HOXD1: variants seen among roughly 807,000 people sequenced by gnomAD.
HOXD1 encodes homeobox D1.
In HOXD1, 17 loss-of-function variants were observed where a neutral mutation model predicts 19.9. That is an observed-to-expected ratio of 0.85 (90% CI 0.58 to 1.28). The LOEUF is 1.28. Ranked by LOEUF, HOXD1 falls within the 50% of genes most tolerant of loss-of-function variation. The pLI is 0.00. For synonymous variants in HOXD1, 239 were observed against 216.0 expected (o/e 1.11, Z -0.93); for missense variants, 500 against 460.1 (o/e 1.09, Z -0.79).
Position 176,189,038 on chromosome 2 carries a change from G to T in HOXD1, c.237G>T (p.Ala79=). The T allele has an allele frequency of 7.1e-7, 1 of 1,407,300 alleles. No individual in the cohort carries two copies. Among genetic ancestry groups the T allele is most frequent in the South Asian group, 1.6e-5 (1 of 62,760 alleles). The allele number at this position is 1,407,300 out of a possible 1,614,324, so 87.2% of individuals were successfully genotyped here. ...GGCCGTCCGTACCGCCTCCGGCCGCGCCCCAGTACGCGCAGTGCACCCTGG... is the reference window on the plus strand; with the variant it reads ...GGCCGTCCGTACCGCCTCCGGCCGCTCCCCAGTACGCGCAGTGCACCCTGG... ...PARPSVPPPA[A]PQYAQCTLEG... Residue 79 remains alanine (A), a synonymous_variant, in exon 1 of 2, where the codon GCG becomes GCT. Transcript: ENST00000331462.
rs756253940 is a variant in HOXD1, at chr2:176,190,145, C to T, written c.*3C>T. 6.3e-7 allele frequency: 1 copy of T among 1,581,580 alleles called. No individual in the cohort carries two copies. Among genetic ancestry groups the T allele is most frequent in the Non-Finnish European group, 8.6e-7 (1 of 1,162,868 alleles). On this transcript the variant is annotated 3_prime_UTR_variant, in exon 2 of 2. Transcript: ENST00000331462. Reference sequence around the variant, plus strand: ...CTCAGTCCCAAGAGCCTTCGTGAGGCCGGTACTTGGGGCCGAAAAACTGTG... The same window carrying T: ...CTCAGTCCCAAGAGCCTTCGTGAGGTCGGTACTTGGGGCCGAAAAACTGTG...
chr2:176,188,858 C>T lies in HOXD1; in HGVS notation c.57C>T (p.Asp19=), dbSNP rs1445123870. 4 of 1,603,954 alleles carry T rather than the reference C, an allele frequency of 2.5e-6. No individual in the cohort carries two copies. Among genetic ancestry groups the T allele is most frequent in the Non-Finnish European group, 8.5e-7 (1 of 1,177,218 alleles). The change falls in exon 1 of 2, where the codon GAC becomes GAT. Residue 19 remains aspartate (D), a synonymous_variant. Coordinates refer to ENST00000331462, the MANE Select transcript of HOXD1 (RefSeq NM_024501.3). ...SCSSSGGVGG[D]VLSLAPKFCR... Reference sequence around the variant, plus strand: ...GCAGCAGCGGCGGGGTCGGCGGCGACGTGCTCAGCTTGGCACCCAAGTTCT... The same window carrying T: ...GCAGCAGCGGCGGGGTCGGCGGCGATGTGCTCAGCTTGGCACCCAAGTTCT...
At position 176,188,763 on chromosome 2, in the gene HOXD1, G is replaced by T; in HGVS notation, c.-39G>T. 6.3e-7 allele frequency: 1 copy of T among 1,593,190 alleles called. No homozygotes were observed. The highest frequency in any genetic ancestry group is 8.5e-7 in the Non-Finnish European group (1 of 1,170,384). ...CAGCCTCTGCCCGGCTCCGTACTCCGGCCCCGGCCTGCGCCCTCAGAAAGG... is the reference window on the plus strand; with the variant it reads ...CAGCCTCTGCCCGGCTCCGTACTCCTGCCCCGGCCTGCGCCCTCAGAAAGG... On this transcript the variant is annotated 5_prime_UTR_variant, in exon 1 of 2. Coordinates refer to ENST00000331462, the MANE Select transcript of HOXD1 (RefSeq NM_024501.3).
At position 176,190,779 on chromosome 2, in the gene HOXD1, C is replaced by A. The variant is rs1691780671; in HGVS notation, c.*637C>A. On this transcript the variant is annotated 3_prime_UTR_variant, in exon 2 of 2. Coordinates refer to ENST00000331462, the MANE Select transcript of HOXD1 (RefSeq NM_024501.3). ...GAACTATATCTTGACAAATATTATT[C>A]AAACTTGAATGTAAATATATACAGT... 6.6e-6 allele frequency: 1 copy of A among 152,454 alleles called. No individual in the cohort carries two copies. The allele number at this position is 152,454 out of a possible 1,614,324, so 9.4% of individuals were successfully genotyped here.
At position 176,190,428 on chromosome 2, in the gene HOXD1, T is replaced by A; in HGVS notation, c.*286T>A. 2 of 436,346 alleles carry A rather than the reference T, an allele frequency of 4.6e-6. No individual in the cohort carries two copies. The highest frequency in any genetic ancestry group is 8.1e-6 in the Non-Finnish European group (2 of 246,392). 27.0% of individuals were successfully genotyped at this position (436,346 alleles called of 1,614,324 possible). On this transcript the variant is annotated 3_prime_UTR_variant, in exon 2 of 2. Transcript: ENST00000331462. Reference sequence around the variant, plus strand: ...CCGCTGCTATCTTTGCCTCACTTAGTCATGTGCAATTCGCGTTGCAGAGTG... The same window carrying A: ...CCGCTGCTATCTTTGCCTCACTTAGACATGTGCAATTCGCGTTGCAGAGTG...
chr2:176,189,302 C>G lies in HOXD1; in HGVS notation c.501C>G (p.Leu167=), dbSNP rs764718688. ...FGEPGPFPAC[L]KASADGHPGA... ...AACCCGGCCCTTTTCCGGCTTGTCT[C>G]AAAGCGTCAGCCGACGGCCACCCTG... The change falls in exon 1 of 2, where the codon CTC becomes CTG. Residue 167 remains leucine (L), a synonymous_variant. Coordinates refer to ENST00000331462, the MANE Select transcript of HOXD1 (RefSeq NM_024501.3). 1.9e-6 allele frequency: 3 copies of G among 1,610,388 alleles called. No individual in the cohort carries two copies. The highest frequency in any genetic ancestry group is 2.2e-5 in the South Asian group (2 of 90,618).
rs1691729664 is a variant in HOXD1 at position 176,189,010 on chromosome 2, C to T, written c.209C>T (p.Ala70Val). The change falls in exon 1 of 2, where the codon GCG becomes GTG. Residue 70 changes from alanine to valine, a missense_variant. Transcript: ENST00000331462. Reference sequence around the variant, plus strand: ...TCGCCTTCGCCCCCGGCCGCCCCCGCGCGGCCGTCCGTACCGCCTCCGGCC... The same window carrying T: ...TCGCCTTCGCCCCCGGCCGCCCCCGTGCGGCCGTCCGTACCGCCTCCGGCC... ...RPSPSPPAAP[A>V]RPSVPPPAAP... 1.4e-6 allele frequency: 2 copies of T among 1,416,718 alleles called. No homozygotes were observed. Among genetic ancestry groups the T allele is most frequent in the African/African-American group, 3.0e-5 (2 of 66,064 alleles). 87.8% of individuals were successfully genotyped at this position (1,416,718 alleles called of 1,614,324 possible).
In HOXD1 at chr2:176,188,773, T is replaced by C. The variant is rs1691719964; in HGVS notation, c.-29T>C. The C allele has an allele frequency of 6.2e-7, 1 of 1,601,054 alleles. No homozygotes were observed. Among genetic ancestry groups the C allele is most frequent in the Non-Finnish European group, 8.5e-7 (1 of 1,174,700 alleles). ...CCGGCTCCGTACTCCGGCCCCGGCC[T>C]GCGCCCTCAGAAAGGTGGGGCCCGA... On this transcript the variant is annotated 5_prime_UTR_variant, in exon 1 of 2. Transcript: ENST00000331462.
In HOXD1 at chr2:176,188,922, T is replaced by C. The variant is rs913826116; in HGVS notation, c.121T>C (p.Phe41Leu). 8.8e-6 allele frequency: 14 copies of C among 1,582,072 alleles called. No individual in the cohort carries two copies. The highest frequency in any genetic ancestry group is 1.7e-4 in the Middle Eastern group (1 of 5,778). ...DARPVALQPA[F>L]PLGNGDGAFV... ...CCGGCCCGTGGCTCTGCAGCCCGCC[T>C]TCCCTCTGGGCAACGGCGACGGCGC... is the stretch of plus-strand genomic sequence containing the variant. Residue 41 changes from phenylalanine to leucine, a missense_variant, in exon 1 of 2, where the codon TTC (phenylalanine) becomes CTC (leucine). Coordinates refer to ENST00000331462, the MANE Select transcript of HOXD1 (RefSeq NM_024501.3).
In HOXD1 at chr2:176,188,952, G is replaced by C. The variant is rs762740004; in HGVS notation, c.151G>C (p.Val51Leu). 6.5e-7 allele frequency: 1 copy of C among 1,538,246 alleles called. No individual in the cohort carries two copies. Among genetic ancestry groups the C allele is most frequent in the South Asian group, 1.2e-5 (1 of 83,914 alleles). ...TCTGGGCAACGGCGACGGCGCCTTC[G>C]TCAGCTGTCTGCCCCTGGCCGCCGC... ...FPLGNGDGAF[V>L]SCLPLAAARP... is the part of the protein sequence containing the mutation. Residue 51 changes from valine (V) to leucine (L), a missense_variant, in exon 1 of 2, where the codon GTC becomes CTC. Physicochemically the swap from Val to Leu is conservative, Grantham distance 32 (BLOSUM62 1). Transcript: ENST00000331462.
chr2:176,189,449 G>C lies in HOXD1; in HGVS notation c.648G>C (p.Lys216Asn). 1 of 1,612,044 alleles carries C rather than the reference G, an allele frequency of 6.2e-7. No individual in the cohort carries two copies. Among genetic ancestry groups the C allele is most frequent in the Non-Finnish European group, 8.5e-7 (1 of 1,179,240 alleles). The change falls in exon 1 of 2, where the codon AAG becomes AAC. Residue 216 changes from lysine (K) to asparagine (N), a missense_variant. Transcript: ENST00000331462. The part of the protein sequence containing the change: ...EWMKVKRNAS[K>N]KGKLAEYGAA... Reference sequence around the variant, plus strand: ...TGAAAGTGAAGAGGAATGCCTCTAAGAAAGGTAAGTCCGCGGGCCTTGGAT... The same window carrying C: ...TGAAAGTGAAGAGGAATGCCTCTAACAAAGGTAAGTCCGCGGGCCTTGGAT...
In HOXD1 at chr2:176,190,069, C is replaced by A. The variant is rs1691763106; in HGVS notation, c.914C>A (p.Pro305His). 1 of 1,614,012 alleles carries A rather than the reference C, an allele frequency of 6.2e-7. No homozygotes were observed. The highest frequency in any genetic ancestry group is 1.7e-5 in the Admixed American group (1 of 60,014). ...TAIPVAPLQL[P>H]LSGTTPTKFI... ...ATTCCTGTGGCTCCCCTCCAACTTC[C>A]CCTCTCTGGAACAACCCCCACTAAG... Residue 305 changes from proline to histidine, a missense_variant, in exon 2 of 2, where the codon CCC becomes CAC. Coordinates refer to ENST00000331462, the MANE Select transcript of HOXD1 (RefSeq NM_024501.3).
intron 1 of HOXD1, 103 bp downstream of exon 1, chr2:176,189,556 T>C (rs1402952256): frequency 1.3e-6 from 2 of 1,595,182 alleles, no homozygotes; most frequent in Non-Finnish European, 1.7e-6. Context: ...CAGACAGCGG[T>C]TTGGGTTTTG....
chr2:176,188,852 C>T lies in HOXD1; in HGVS notation c.51C>T (p.Gly17=), dbSNP rs1456371869. Residue 17 remains glycine, a synonymous_variant, in exon 1 of 2, where the codon GGC becomes GGT. Transcript: ENST00000331462. ...CATGCAGCAGCAGCGGCGGGGTCGG[C>T]GGCGACGTGCTCAGCTTGGCACCCA... ...YVSCSSSGGV[G]GDVLSLAPKF... The T allele has an allele frequency of 1.2e-6, 2 of 1,604,196 alleles. No homozygotes were observed. Among genetic ancestry groups the T allele is most frequent in the Middle Eastern group, 1.7e-4 (1 of 6,042 alleles).
chr2:176,189,673 C>T (rs753691061), intron 1 of HOXD1, 135 bp from the exon 2 acceptor site: 14 of 1,595,552 alleles, frequency 8.8e-6, no homozygotes, highest in Admixed American at 1.8e-5. Flanking sequence ...CTCCGTGGAA[C>T]TTCTCCTGGT....
chr2:176,189,362 C>A lies in HOXD1; in HGVS notation c.561C>A (p.Thr187=). The part of the protein sequence containing the change: ...AFQTASPAPG[T]YPKSVSPASG... ...AGACCGCATCCCCGGCCCCAGGCAC[C>A]TACCCCAAGTCCGTCTCTCCCGCCT... Residue 187 remains threonine, a synonymous_variant, in exon 1 of 2, where the codon ACC becomes ACA. Transcript: ENST00000331462. The A allele has an allele frequency of 6.2e-7, 1 of 1,613,070 alleles. No homozygotes were observed. Among genetic ancestry groups the A allele is most frequent in the Non-Finnish European group, 8.5e-7 (1 of 1,179,976 alleles).
Position 176,189,323 on chromosome 2 carries a change from C to T in HOXD1, c.522C>T (p.His174=), listed in dbSNP as rs1392769779. The T allele has an allele frequency of 6.2e-6, 10 of 1,612,316 alleles. No homozygotes were observed. In the East Asian group the frequency reaches 8.9e-5, roughly 14 times the overall value. ...GTCTCAAAGCGTCAGCCGACGGCCA[C>T]CCTGGTGCTTTCCAGACCGCATCCC... ...PACLKASADG[H]PGAFQTASPA... Residue 174 remains histidine (H), a synonymous_variant, in exon 1 of 2, where the codon CAC becomes CAT. Transcript: ENST00000331462.
At position 176,188,683 on chromosome 2, in the gene HOXD1, G is replaced by A. The variant is rs753038783; in HGVS notation, c.-119G>A. ...CGGCTCACTCGCCATGGGTTGGAGA[G>A]GGCAGCTCGGGTAGAGAGGGCTGGC... On this transcript the variant is annotated 5_prime_UTR_variant, in exon 1 of 2. Transcript: ENST00000331462. 3.8e-6 allele frequency: 4 copies of A among 1,054,266 alleles called. No individual in the cohort carries two copies. The South Asian group carries it at 5.5e-5, about 14-fold the overall frequency. The allele number at this position is 1,054,266 out of a possible 1,614,324, so 65.3% of individuals were successfully genotyped here.
chr2:176,188,836 G>A lies in HOXD1; in HGVS notation c.35G>A (p.Ser12Asn), dbSNP rs1691722098. The A allele has an allele frequency of 6.2e-7, 1 of 1,608,256 alleles. No individual in the cohort carries two copies. Among genetic ancestry groups the A allele is most frequent in the Non-Finnish European group, 8.5e-7 (1 of 1,178,170 alleles). ...TACCTGGAGTACGTGTCATGCAGCA[G>A]CAGCGGCGGGGTCGGCGGCGACGTG... ...SSYLEYVSCS[S>N]SGGVGGDVLS... Residue 12 changes from serine to asparagine, a missense_variant, in exon 1 of 2, where the codon AGC becomes AAC. Coordinates refer to ENST00000331462, the MANE Select transcript of HOXD1 (RefSeq NM_024501.3).
Sources: allele counts gnomAD v4.1 joint callset, GRCh38; gene constraint gnomAD v4.1.1; transcripts MANE v1.5; gene names NCBI Gene and HGNC (gene_info 2026-07-23, HGNC 2026-07-21).